ACVR1: variants seen among roughly 807,000 people sequenced by gnomAD.
ACVR1 encodes activin A receptor type 1.
Under a neutral mutation model 57.1 loss-of-function variants are expected in ACVR1, and 38 were observed. The ratio of observed to expected loss-of-function variants is 0.67; its 90% confidence interval spans 0.51 to 0.87. ACVR1 has a LOEUF of 0.87. Ranked by LOEUF, ACVR1 falls within the 40% of genes least tolerant of loss-of-function variation. ACVR1 has a pLI of 0.00. For missense variants in ACVR1, 463 were observed against 638.2 expected (o/e 0.73, Z 2.96); for synonymous variants, 212 against 228.1 (o/e 0.93, Z 0.63).
At chr2:157,788,788 G>T (rs760597859) in intron 3 of ACVR1, among the ~76,000 whole-genome samples, 3 of 152,044 alleles carry the variant, frequency 2.0e-5, no homozygotes, top group African/African-American at 7.2e-5. Context: ...AAGCCAAAGC[G>T]ATTTTAAAAT....
intron 2 of ACVR1, among the ~76,000 whole-genome samples, chr2:157,815,175 G>A (rs145907928): frequency 7.9e-4 from 120 of 152,196 alleles, no homozygotes; most frequent in Admixed American, 1.4e-3. Flanking sequence ...GTATAAAACC[G>A]TGGATACTGT....
chr2:157,846,859 G>A (rs968469344), intron 1 of ACVR1, among the ~76,000 whole-genome samples: 2 of 152,224 alleles, frequency 1.3e-5, no homozygotes, highest in Non-Finnish European at 2.9e-5. Flanking sequence ...GAGGGCAGGA[G>A]AGTAGGTATA....
At chr2:157,773,976 T>C in intron 6 of ACVR1, 112 bp downstream of exon 6, 1 of 880,544 alleles carries the variant, frequency 1.1e-6, no homozygotes, top group Non-Finnish European at 1.8e-6. Context: ...CTCATAAGTT[T>C]AATAAGGAAA....
chr2:157,738,121 A>C (rs555450211), intron 10 of ACVR1, among the ~76,000 whole-genome samples: 2 of 152,296 alleles, frequency 1.3e-5, no homozygotes, highest in East Asian at 1.9e-4. Flanking sequence ...GCTTCACTTA[A>C]AGTCTCTTGG....
chr2:157,775,947 C>T lies in ACVR1; in HGVS notation c.544-1760G>A, dbSNP rs539992809. On this transcript the variant is annotated intron_variant, in intron 5 of 10. Transcript: ENST00000434821. The stretch of plus-strand genomic sequence containing the variant: ...CTATATTGCCCAGGCTGGTCTCTAA[C>T]CCCTGGTCTCAAGTGATCTTCCCCC... Among the ~76,000 whole-genome samples the T allele has an allele frequency of 5.3e-5, 8 of 152,268 alleles. No homozygotes were observed. The South Asian group carries it at 1.7e-3, about 32-fold the overall frequency.
chr2:157,872,668 T>C (rs374949210), intron 1 of ACVR1, among the ~76,000 whole-genome samples: 5 of 152,356 alleles, frequency 3.3e-5, no homozygotes, highest in African/African-American at 1.2e-4. Context: ...AGTTACTGTG[T>C]GCCCACTGCA....
intron 10 of ACVR1, 47 bp downstream of exon 10, chr2:157,738,376 TCAAAGGGAAACAAATAG>T: frequency 6.2e-7 from 1 of 1,612,192 alleles, no homozygotes; most frequent in Non-Finnish European, 8.5e-7. Context: ...CAGTTGAAAC[TCAAAGGGAAACAAATAG>T]CAAACAATGG....
intron 9 of ACVR1, among the ~76,000 whole-genome samples, chr2:157,752,519 G>A (rs562954409): frequency 1.3e-5 from 2 of 152,294 alleles, no homozygotes; most frequent in Admixed American, 1.3e-4. Context: ...TAATCAAGGA[G>A]GCACCAGAGA....
chr2:157,777,296 G>A (rs962668667), intron 5 of ACVR1, among the ~76,000 whole-genome samples: 1 of 152,118 alleles, frequency 6.6e-6, no homozygotes, highest in Non-Finnish European at 1.5e-5. Context: ...CAGTCCAGCG[G>A]GTTAATCACT....
At chr2:157,738,124 T>C (rs573688089) in intron 10 of ACVR1, among the ~76,000 whole-genome samples, 132 of 152,268 alleles carry the variant, frequency 8.7e-4, no homozygotes, top group Non-Finnish European at 1.7e-3. Context: ...TCACTTAAAG[T>C]CTCTTGGTTT....
chr2:157,758,512 T>C (rs942097526), intron 9 of ACVR1, among the ~76,000 whole-genome samples: 2 of 152,056 alleles, frequency 1.3e-5, no homozygotes, highest in African/African-American at 2.4e-5. Context: ...ATCATGATTC[T>C]AGATATATAT....
intron 2 of ACVR1, among the ~76,000 whole-genome samples, chr2:157,808,636 C>T (rs1246819916): frequency 2.6e-5 from 4 of 152,082 alleles, no homozygotes; most frequent in Non-Finnish European, 5.9e-5. Context: ...CTGATAGGCC[C>T]AGAGCCATCC....
At chr2:157,813,726 AG>A (rs1687835332) in intron 2 of ACVR1, among the ~76,000 whole-genome samples, 1 of 152,230 alleles carries the variant, frequency 6.6e-6, no homozygotes, top group South Asian at 2.1e-4. Context: ...TTGCTTACAC[AG>A]GGACTGTTAA....
chr2:157,781,781 T>C (rs1481186563), intron 3 of ACVR1, among the ~76,000 whole-genome samples: 2 of 152,234 alleles, frequency 1.3e-5, no homozygotes, highest in African/African-American at 4.8e-5. Context: ...GTCAGTATGA[T>C]TAGTTTAGAC....
At chr2:157,870,602 A>G (rs1690086308) in intron 1 of ACVR1, among the ~76,000 whole-genome samples, 1 of 152,204 alleles carries the variant, frequency 6.6e-6, no homozygotes, top group Non-Finnish European at 1.5e-5. Context: ...TGCAACAGGA[A>G]AAAGTCAAGA....
At chr2:157,842,547 T>C (rs1238832358) in intron 1 of ACVR1, among the ~76,000 whole-genome samples, 1 of 152,176 alleles carries the variant, frequency 6.6e-6, no homozygotes, top group Non-Finnish European at 1.5e-5. Flanking sequence ...TCCAGCCCTG[T>C]ATCTCCCGCT....
chr2:157,758,669 T>C (rs960161999), intron 9 of ACVR1, among the ~76,000 whole-genome samples: 5 of 152,158 alleles, frequency 3.3e-5, no homozygotes, highest in East Asian at 3.9e-4. Flanking sequence ...CCAAGAAACA[T>C]TGGATTTAAA....
At chr2:157,805,940 C>G (rs1461366183) in intron 2 of ACVR1, among the ~76,000 whole-genome samples, 1 of 150,576 alleles carries the variant, frequency 6.6e-6, no homozygotes, top group African/African-American at 2.4e-5. Flanking sequence ...CCTGCTGCCT[C>G]AGCCCCTCAA....
chr2:157,842,091 T>C (rs1307467625), intron 1 of ACVR1, among the ~76,000 whole-genome samples: 2 of 151,464 alleles, frequency 1.3e-5, no homozygotes, highest in East Asian at 3.9e-4. Flanking sequence ...ACTCTGCTAC[T>C]TTAGGGGGAG....
Sources: allele counts gnomAD v4.1 joint callset (sites outside exome capture counted in the v4.1 genomes callset), GRCh38; gene constraint gnomAD v4.1.1; transcripts MANE v1.5; gene names NCBI Gene and HGNC (gene_info 2026-07-23, HGNC 2026-07-21).